OOSP4B: variants seen among roughly 807,000 people sequenced by gnomAD.
OOSP4B encodes the protein oocyte-secreted protein 4B.
intron 1 of OOSP4B, among the ~76,000 whole-genome samples, chr11:60,019,003 G>A (rs1378840481): frequency 2.0e-5 from 3 of 152,030 alleles, no homozygotes; most frequent in Non-Finnish European, 4.4e-5. Context: ...GATCACATGA[G>A]GTCAGGAGTT....
chr11:60,029,445 G>A (rs1472834197), intron 3 of OOSP4B, among the ~76,000 whole-genome samples: 1 of 152,032 alleles, frequency 6.6e-6, no homozygotes, highest in Non-Finnish European at 1.5e-5. Flanking sequence ...TCTAATCTTG[G>A]GATGTGTGTG....
intron 2 of OOSP4B, among the ~76,000 whole-genome samples, chr11:60,024,529 ACT>A: frequency 1.3e-5 from 2 of 152,188 alleles, no homozygotes; most frequent in East Asian, 3.9e-4. Context: ...GATAAGTGAA[ACT>A]CTGTCTCAAA....
chr11:60,028,884 C>CA (rs1854774277), intron 3 of OOSP4B, among the ~76,000 whole-genome samples: 1 of 152,128 alleles, frequency 6.6e-6, no homozygotes. Flanking sequence ...TCATGAACAT[C>CA]AGATTTGATC....
intron 3 of OOSP4B, among the ~76,000 whole-genome samples, chr11:60,027,582 G>A (rs571613339): frequency 3.4e-5 from 5 of 145,610 alleles, no homozygotes; most frequent in African/African-American, 1.3e-4. Flanking sequence ...CACCTGACTT[G>A]GACAATGCCA....
chr11:60,027,904 C>T (rs1289050707), intron 3 of OOSP4B, among the ~76,000 whole-genome samples: 1 of 151,226 alleles, frequency 6.6e-6, no homozygotes, highest in South Asian at 2.1e-4. Flanking sequence ...AGCGCCACTG[C>T]ACTCCAGCCT....
At chr11:60,022,760 TA>T (rs1854706609) in intron 1 of OOSP4B, among the ~76,000 whole-genome samples, 2 of 151,886 alleles carry the variant, frequency 1.3e-5, no homozygotes, top group Admixed American at 6.6e-5. Context: ...TTTTTTCCCC[TA>T]GGGGTGGGGA....
intron 3 of OOSP4B, among the ~76,000 whole-genome samples, chr11:60,027,844 G>T (rs1590594971): frequency 6.6e-6 from 1 of 151,486 alleles, no homozygotes; most frequent in Non-Finnish European, 1.5e-5. Flanking sequence ...GGAGGCTGAG[G>T]CAGGAGAATC....
intron 1 of OOSP4B, among the ~76,000 whole-genome samples, chr11:60,023,164 A>C (rs1019705548): frequency 1.3e-5 from 2 of 152,156 alleles, no homozygotes; most frequent in Non-Finnish European, 2.9e-5. Context: ...GTTGCAAAGA[A>C]ATTAAATAAC....
At chr11:60,018,747 ATCTT>A (rs1185617082) in intron 1 of OOSP4B, among the ~76,000 whole-genome samples, 2 of 152,122 alleles carry the variant, frequency 1.3e-5, no homozygotes, top group Non-Finnish European at 2.9e-5. Flanking sequence ...AGTTTGTTTG[ATCTT>A]TCTTTGAGAT....
chr11:60,029,196 A>G (rs1565050496), intron 3 of OOSP4B, among the ~76,000 whole-genome samples: 1 of 152,212 alleles, frequency 6.6e-6, no homozygotes, highest in South Asian at 2.1e-4. Flanking sequence ...AACTGCCTAC[A>G]TGCTGGCTTT....
chr11:60,020,139 G>T (rs138315773), intron 1 of OOSP4B, among the ~76,000 whole-genome samples: 4,078 of 152,312 alleles, frequency 0.027, 187 homozygotes, highest in African/African-American at 0.092. Flanking sequence ...CAATCCCTTA[G>T]CTAGACATAA....
chr11:60,018,864 G>T (rs1854653244), intron 1 of OOSP4B, among the ~76,000 whole-genome samples: 1 of 152,138 alleles, frequency 6.6e-6, no homozygotes, highest in Non-Finnish European at 1.5e-5. Flanking sequence ...AGAACTAAGT[G>T]TACTTTAGTC....
intron 2 of OOSP4B, among the ~76,000 whole-genome samples, chr11:60,024,506 C>T (rs116167191): frequency 0.027 from 4,094 of 152,278 alleles, 194 homozygotes; most frequent in African/African-American, 0.092. Context: ...CACTATTGCA[C>T]TCCAGCCTGG....
chr11:60,025,350 A>C (rs1854737820), intron 3 of OOSP4B, among the ~76,000 whole-genome samples: 1 of 152,228 alleles, frequency 6.6e-6, no homozygotes, highest in South Asian at 2.1e-4. Flanking sequence ...ACTCACATGC[A>C]ATTAATATAT....
At chr11:60,027,467 G>A (rs1854755525) in intron 3 of OOSP4B, among the ~76,000 whole-genome samples, 1 of 151,696 alleles carries the variant, frequency 6.6e-6, no homozygotes, top group African/African-American at 2.4e-5. Context: ...AAATATGTTT[G>A]TTCTTCCAGC....
intron 1 of OOSP4B, chr11:60,021,981 C>G (rs1325992084): frequency 9.8e-6 from 1 of 101,686 alleles, no homozygotes; most frequent in Admixed American, 1.3e-4. Flanking sequence ...AAGACTCTAT[C>G]TCCAAAAAAA....
intron 1 of OOSP4B, among the ~76,000 whole-genome samples, chr11:60,019,954 C>T (rs1854671910): frequency 6.6e-6 from 1 of 152,082 alleles, no homozygotes. Flanking sequence ...TCTCCACATG[C>T]CCACTAGATT....
chr11:60,020,975 C>T (rs911717768), intron 1 of OOSP4B, among the ~76,000 whole-genome samples: 3 of 152,234 alleles, frequency 2.0e-5, no homozygotes, highest in Non-Finnish European at 4.4e-5. Flanking sequence ...ATTTTTGTAA[C>T]TGTGGTCTAG....
rs181984095 is a variant in OOSP4B, at chr11:60,028,628, G to A, written c.303-1154G>A. On this transcript the variant is annotated intron_variant, in intron 3 of 4. Transcript: ENST00000642343. ...TTCCCTTCTTTCCAGTTCCAGCTAC[G>A]CTGGGGTTTGAGTTTTGGAGTATAT... Among the ~76,000 whole-genome samples the A allele has an allele frequency of 4.3e-4, 65 of 152,016 alleles. 1 individual carries two copies. The highest frequency in any genetic ancestry group is 3.5e-4 in the Non-Finnish European group (24 of 68,020).
Sources: allele counts gnomAD v4.1 joint callset (sites outside exome capture counted in the v4.1 genomes callset), GRCh38; gene constraint gnomAD v4.1.1; transcripts MANE v1.5; gene names NCBI Gene and HGNC (gene_info 2026-07-23, HGNC 2026-07-21).